The following MRPS31 variants were observed in gnomAD, a reference collection of about 807,000 sequenced individuals.
The protein encoded by MRPS31 is mitochondrial ribosomal protein S31.
A neutral mutation model predicts 43.1 loss-of-function variants in MRPS31; 32 were observed. That is an observed-to-expected ratio of 0.74 (90% confidence interval 0.56 to 1.00). MRPS31 has a LOEUF of 1.00. MRPS31 is among the 50% of genes least tolerant of loss of function. The pLI, the probability that MRPS31 is intolerant of heterozygous loss-of-function variation, is 0.00. For missense variants in MRPS31, 437 were observed against 466.7 expected (o/e 0.94, Z 0.59); for synonymous variants, 165 against 161.6 (o/e 1.02, Z -0.16).
intron 6 of MRPS31, among the ~76,000 whole-genome samples, chr13:40,743,096 G>C (rs1298495614): frequency 6.6e-6 from 1 of 152,180 alleles, no homozygotes; most frequent in Non-Finnish European, 1.5e-5. Context: ...CAGATCACCT[G>C]AGGTCAGGAG....
intron 2 of MRPS31, among the ~76,000 whole-genome samples, chr13:40,759,960 G>A (rs80005623): frequency 0.03 from 4,582 of 151,924 alleles, 176 homozygotes; most frequent in East Asian, 0.14. Flanking sequence ...AAAGAAGTTG[G>A]ACACAAAGAA....
intron 6 of MRPS31, among the ~76,000 whole-genome samples, chr13:40,729,881 C>T (rs1879627682): frequency 6.6e-6 from 1 of 151,848 alleles, no homozygotes. Flanking sequence ...AGGCATGTAC[C>T]ACCACGCCCA....
intron 6 of MRPS31, among the ~76,000 whole-genome samples, chr13:40,741,809 T>C (rs755160174): frequency 6.6e-6 from 1 of 151,924 alleles, no homozygotes; most frequent in Non-Finnish European, 1.5e-5. Context: ...ATGGGACATA[T>C]AGAACTATAA....
chr13:40,759,380 G>C (rs1462637351), intron 2 of MRPS31, among the ~76,000 whole-genome samples: 1 of 152,110 alleles, frequency 6.6e-6, no homozygotes, highest in Non-Finnish European at 1.5e-5. Context: ...GGAGGCTGCA[G>C]TGAACCAAGA....
chr13:40,753,745 T>C lies in MRPS31; in HGVS notation c.814+274A>G, dbSNP rs1001029310. On this transcript the variant is annotated intron_variant, in intron 5 of 6. Coordinates refer to ENST00000323563, the MANE Select transcript of MRPS31 (RefSeq NM_005830.4). ...GGAGGCAGGGTGACTCTAGAGCTGC[T>C]CAGGAATGTCCAGTATGTAATGTAA... Among the ~76,000 whole-genome samples, 5 of 152,320 alleles carry C rather than the reference T, an allele frequency of 3.3e-5. No homozygotes were observed. The East Asian group carries it at 9.6e-4, about 29-fold the overall frequency.
chr13:40,766,873 C>A lies in MRPS31; in HGVS notation c.313G>T (p.Gly105Cys). 6.2e-7 allele frequency: 1 copy of A among 1,613,922 alleles called. No homozygotes were observed. Among genetic ancestry groups the A allele is most frequent in the South Asian group, 1.1e-5 (1 of 91,092 alleles). The change falls in exon 2 of 7, where the codon GGC (glycine) becomes TGC (cysteine). Residue 105 changes from glycine to cysteine, a missense_variant. Transcript: ENST00000323563. ...ACTGTGCTTAATTCAACTTTCATGCCCTTAATAATGCCTAACAAGTCTTTT... is the reference window on the plus strand; with the variant it reads ...ACTGTGCTTAATTCAACTTTCATGCACTTAATAATGCCTAACAAGTCTTTT... ...TKKDLLGIIK[G>C]MKVELSTVNV...
At chr13:40,752,833 G>T (rs1880428634) in intron 5 of MRPS31, among the ~76,000 whole-genome samples, 1 of 151,862 alleles carries the variant, frequency 6.6e-6, no homozygotes, top group Non-Finnish European at 1.5e-5. Flanking sequence ...TCAAATTCTG[G>T]GCTCCAGTGA....
At chr13:40,737,367 A>G in intron 6 of MRPS31, among the ~76,000 whole-genome samples, 1 of 152,148 alleles carries the variant, frequency 6.6e-6, no homozygotes, top group Non-Finnish European at 1.5e-5. Flanking sequence ...AACATTAGAC[A>G]GATCAATGAG....
chr13:40,770,828 A>G, intron 1 of MRPS31, 157 bp downstream of exon 1: 1 of 920,380 alleles, frequency 1.1e-6, no homozygotes, highest in South Asian at 1.6e-5. Context: ...CTCTGTTTTC[A>G]CGCACACTAT....
intron 6 of MRPS31, among the ~76,000 whole-genome samples, chr13:40,737,057 C>T (rs200391948): frequency 0.03 from 4,595 of 151,570 alleles, 296 homozygotes; most frequent in East Asian, 0.27. Context: ...CAGACACACA[C>T]ATAGGCTCAA....
intron 2 of MRPS31, 76 bp from the exon 3 acceptor site, chr13:40,759,182 A>T (rs1240091845): frequency 1.7e-6 from 2 of 1,198,552 alleles, no homozygotes. Context: ...TCATGCCTGT[A>T]ATTCCAGCAC....
At chr13:40,731,818 T>G (rs1357992413) in intron 6 of MRPS31, among the ~76,000 whole-genome samples, 1 of 152,146 alleles carries the variant, frequency 6.6e-6, no homozygotes, top group Admixed American at 6.6e-5. Context: ...GTACATTAAT[T>G]TTTTTCAAAG....
Position 40,754,197 on chromosome 13 carries a change from A to C in MRPS31, c.741-105T>G, listed in dbSNP as rs1880468181. 4.5e-5 allele frequency: 28 copies of C among 627,894 alleles called. 1 individual carries two copies. In the South Asian group the frequency reaches 6.7e-4, roughly 15 times the overall value. The allele number at this position is 627,894 out of a possible 1,614,324, so 38.9% of individuals were successfully genotyped here. A position where few individuals can be genotyped will look rare whatever the true frequency, so the allele number is the denominator to read the frequency against. On this transcript the variant is annotated intron_variant, in intron 4 of 6. Coordinates refer to ENST00000323563, the MANE Select transcript of MRPS31 (RefSeq NM_005830.4). Reference sequence around the variant, plus strand: ...TGAAATATTCTATGTAGAAATTAAAAATTCCACTGACCCACATCAAAAATA... The same window carrying C: ...TGAAATATTCTATGTAGAAATTAAACATTCCACTGACCCACATCAAAAATA...
At chr13:40,749,424 G>C (rs1880328609) in intron 5 of MRPS31, 143 bp from the exon 6 acceptor site, 1 of 501,050 alleles carries the variant, frequency 2.0e-6, no homozygotes, top group Admixed American at 4.4e-5. Flanking sequence ...GTTACTGAGA[G>C]ATAACTGCAA....
Position 40,756,950 on chromosome 13 carries a change from T to C in MRPS31, c.663A>G (p.Arg221=), listed in dbSNP as rs778964586. Residue 221 remains arginine, a synonymous_variant, in exon 4 of 7, where the codon AGA becomes AGG. Transcript: ENST00000323563. ...ARSATARVRS[R]PELRIQFDEG... is the part of the protein sequence containing the mutation. ...CATCAAACTGAATCCGAAGCTCTGG[T>C]CTTGAACGAACTCTAGCTGTAGCAG... is the stretch of plus-strand genomic sequence containing the variant. 1.2e-6 allele frequency: 2 copies of C among 1,613,758 alleles called. No individual in the cohort carries two copies. The highest frequency in any genetic ancestry group is 1.7e-6 in the Non-Finnish European group (2 of 1,179,832).
chr13:40,770,880 C>T (rs1410628606), intron 1 of MRPS31, 105 bp downstream of exon 1: 2 of 1,412,502 alleles, frequency 1.4e-6, no homozygotes, highest in Non-Finnish European at 2.0e-6. Flanking sequence ...ATTTCTCTTT[C>T]CTCAGATTTA....
At chr13:40,732,336 T>C (rs1372024039) in intron 6 of MRPS31, among the ~76,000 whole-genome samples, 1 of 152,196 alleles carries the variant, frequency 6.6e-6, no homozygotes, top group African/African-American at 2.4e-5. Flanking sequence ...CAAAGAACAG[T>C]AGACATTTTA....
At chr13:40,736,875 A>G (rs1337731433) in intron 6 of MRPS31, among the ~76,000 whole-genome samples, 1 of 150,642 alleles carries the variant, frequency 6.6e-6, no homozygotes, top group Non-Finnish European at 1.5e-5. Context: ...TGCATCAACT[A>G]ACGAGCAAAA....
intron 1 of MRPS31, among the ~76,000 whole-genome samples, chr13:40,767,519 G>C (rs767079449): frequency 5.9e-5 from 9 of 152,172 alleles, no homozygotes; most frequent in Non-Finnish European, 1.2e-4. Context: ...TTGCAGATAA[G>C]GAAACTGAAA....
Sources: allele counts gnomAD v4.1 joint callset (sites outside exome capture counted in the v4.1 genomes callset), GRCh38; gene constraint gnomAD v4.1.1; transcripts MANE v1.5; gene names NCBI Gene and HGNC (gene_info 2026-07-23, HGNC 2026-07-21).